Variants in CTBP2 observed in about 807,000 individuals in gnomAD.
CTBP2 encodes C-terminal-binding protein 2.
In CTBP2, 30 loss-of-function variants were observed where a neutral mutation model predicts 80.3. The observed-to-expected ratio is 0.37, with a 90% CI of 0.28 to 0.51. The LOEUF is 0.51. Ranked by LOEUF, CTBP2 falls within the 20% of genes least tolerant of loss-of-function variation. The pLI, the probability that CTBP2 is intolerant of heterozygous loss-of-function variation, is 0.93. For missense variants in CTBP2, 1,212 were observed against 1,375.3 expected (o/e 0.88, Z 1.88); for synonymous variants, 594 against 587.4 (o/e 1.01, Z -0.16).
chr10:125,014,119 T>A (rs1956225972), intron 1 of CTBP2, among the ~76,000 whole-genome samples: 1 of 152,076 alleles, frequency 6.6e-6, no homozygotes, highest in Admixed American at 6.6e-5. Flanking sequence ...GAAGGGCACA[T>A]CCAAGCAAGA....
At chr10:125,133,286 G>A (rs141354236) in intron 1 of CTBP2, among the ~76,000 whole-genome samples, 2 of 152,254 alleles carry the variant, frequency 1.3e-5, no homozygotes, top group Non-Finnish European at 2.9e-5. Flanking sequence ...CTGATTACTG[G>A]TAAGTATGTA....
Position 124,986,611 on chromosome 10 carries a change from A to C in CTBP2, c.*2907T>G, listed in dbSNP as rs1026026751. The C allele has an allele frequency of 6.6e-6, 1 of 152,184 alleles. No individual in the cohort carries two copies. The highest frequency in any genetic ancestry group is 1.5e-5 in the Non-Finnish European group (1 of 68,028). The allele number at this position is 152,184 out of a possible 1,614,324, so 9.4% of individuals were successfully genotyped here. A position where few individuals can be genotyped will look rare whatever the true frequency, so the allele number is the denominator to read the frequency against. On this transcript the variant is annotated 3_prime_UTR_variant, in exon 9 of 9. Transcript: ENST00000309035. The stretch of plus-strand genomic sequence containing the variant: ...TAGAAATGAATCTTTGATATAATGT[A>C]AATGCTGCTGTTTGTTTCAAGTGGT...
chr10:125,132,518 T>C (rs1169189564), intron 1 of CTBP2, among the ~76,000 whole-genome samples: 1 of 152,022 alleles, frequency 6.6e-6, no homozygotes, highest in Admixed American at 6.5e-5. Flanking sequence ...GGGGCGGAGT[T>C]GGAGGAGGAG....
At chr10:125,016,018 C>A in intron 1 of CTBP2, among the ~76,000 whole-genome samples, 1 of 140,614 alleles carries the variant, frequency 7.1e-6, no homozygotes, top group East Asian at 2.1e-4. Flanking sequence ...GCCTACTGTG[C>A]GCTGGGTACC....
chr10:125,151,907 G>C (rs1565054459), intron 1 of CTBP2, among the ~76,000 whole-genome samples: 1 of 152,216 alleles, frequency 6.6e-6, no homozygotes, highest in Admixed American at 6.5e-5. Context: ...AGGAGGAAGT[G>C]GGCACGGAGC....
At chr10:125,008,846 G>C (rs1377113927) in intron 1 of CTBP2, among the ~76,000 whole-genome samples, 1 of 152,216 alleles carries the variant, frequency 6.6e-6, no homozygotes, top group East Asian at 1.9e-4. Flanking sequence ...CCGCAATTTA[G>C]CCTAAATATT....
intron 1 of CTBP2, among the ~76,000 whole-genome samples, chr10:125,123,979 T>C (rs554670550): frequency 6.6e-6 from 1 of 152,282 alleles, no homozygotes; most frequent in African/African-American, 2.4e-5. Flanking sequence ...GGGTAACAAC[T>C]TCAGGACTCC....
chr10:125,105,471 T>C (rs933228415), intron 2 of CTBP2, among the ~76,000 whole-genome samples: 2 of 152,172 alleles, frequency 1.3e-5, no homozygotes, highest in African/African-American at 4.8e-5. Flanking sequence ...AAAATTCAGA[T>C]CCAGATACTA....
intron 1 of CTBP2, among the ~76,000 whole-genome samples, chr10:125,006,750 G>A (rs905209754): frequency 1.3e-5 from 2 of 152,216 alleles, no homozygotes; most frequent in African/African-American, 4.8e-5. Flanking sequence ...CATTAAGATG[G>A]AACACGACCC....
At chr10:125,040,192 T>C (rs1258146399) in intron 2 of CTBP2, among the ~76,000 whole-genome samples, 1 of 152,156 alleles carries the variant, frequency 6.6e-6, no homozygotes, top group African/African-American at 2.4e-5. Flanking sequence ...CGGTGGCTCA[T>C]GCCTGTAAGC....
At chr10:125,093,789 G>A (rs998214719) in intron 2 of CTBP2, among the ~76,000 whole-genome samples, 1 of 152,222 alleles carries the variant, frequency 6.6e-6, no homozygotes, top group Admixed American at 6.5e-5. Flanking sequence ...GCGCGCAACC[G>A]TGGCTGGAAG....
At position 125,066,897 on chromosome 10, in the gene CTBP2, CT is replaced by C. The variant is rs1844722688; in HGVS notation, c.-101-27743del. On this transcript the variant is annotated intron_variant, in intron 2 of 10. Coordinates refer to the CTBP2 transcript ENST00000337195. The surrounding 1 kb of genome is among the most constrained non-coding windows in gnomAD (Gnocchi z 4.1). ...TGCGACGTGCCTCTTCCTATCTCCC[CT>C]GGGCAGTCTTCCCAGCTCCATGGAA... Among the ~76,000 whole-genome samples, 1 of 152,164 alleles carries C rather than the reference CT, an allele frequency of 6.6e-6. No homozygotes were observed. Among genetic ancestry groups the C allele is most frequent in the South Asian group, 2.1e-4 (1 of 4,830 alleles).
At chr10:125,114,292 T>C (rs540486913) in intron 1 of CTBP2, among the ~76,000 whole-genome samples, 1 of 152,318 alleles carries the variant, frequency 6.6e-6, no homozygotes, top group South Asian at 2.1e-4. Context: ...ATTTCTGGCC[T>C]GTACCATCAA....
intron 2 of CTBP2, among the ~76,000 whole-genome samples, chr10:125,064,131 G>A (rs1367369384): frequency 1.3e-5 from 2 of 152,254 alleles, no homozygotes; most frequent in Middle Eastern, 3.4e-3. Context: ...TATATATATG[G>A]TGTGGAAGAC....
chr10:125,087,469 G>C (rs1021986987), intron 2 of CTBP2, among the ~76,000 whole-genome samples: 1 of 152,124 alleles, frequency 6.6e-6, no homozygotes, highest in African/African-American at 2.4e-5. Flanking sequence ...AGACATCCAT[G>C]AGGACGAATG....
At chr10:125,004,520 A>C (rs1276569996) in intron 1 of CTBP2, among the ~76,000 whole-genome samples, 1 of 152,098 alleles carries the variant, frequency 6.6e-6, no homozygotes, top group South Asian at 2.1e-4. Flanking sequence ...CCCAAACCTC[A>C]CATCTTCAAG....
intron 1 of CTBP2, chr10:125,005,970 C>T: frequency 6.8e-7 from 1 of 1,472,172 alleles, no homozygotes; most frequent in South Asian, 1.4e-5. Context: ...GGTGGGAATC[C>T]AGAGCCGCTG....
intron 1 of CTBP2, among the ~76,000 whole-genome samples, chr10:125,113,191 T>A (rs1388277998): frequency 6.6e-6 from 1 of 152,176 alleles, no homozygotes; most frequent in Non-Finnish European, 1.5e-5. Context: ...GGGACAAGCA[T>A]AGCTTTTCAG....
chr10:125,146,728 T>G (rs1190817771), intron 1 of CTBP2, among the ~76,000 whole-genome samples: 2 of 152,140 alleles, frequency 1.3e-5, no homozygotes, highest in African/African-American at 2.4e-5. Flanking sequence ...CATGACCTAC[T>G]ATTCACACCT....
Sources: allele counts gnomAD v4.1 joint callset (sites outside exome capture counted in the v4.1 genomes callset), GRCh38; gene constraint gnomAD v4.1.1; non-coding constraint Gnocchi (gnomAD v3.1); transcripts MANE v1.5; gene names NCBI Gene and HGNC (gene_info 2026-07-23, HGNC 2026-07-21).